Variants in KIAA0825 observed in about 807,000 individuals in gnomAD.
KIAA0825 encodes KIAA0825.
In KIAA0825, 119 loss-of-function variants were observed where a neutral mutation model predicts 147.6. The ratio of observed to expected loss-of-function variants is 0.81; its 90% CI spans 0.69 to 0.94. KIAA0825 has a LOEUF of 0.94. Ranked by LOEUF, KIAA0825 falls within the 40% of genes least tolerant of loss-of-function variation. The pLI is 0.00. For synonymous variants in KIAA0825, 470 were observed against 518.1 expected (o/e 0.91, Z 1.26); for missense variants, 1,381 against 1,472.7 (o/e 0.94, Z 1.02).
At chr5:94,266,050 A>G (rs1325284500) in intron 20 of KIAA0825, among the ~76,000 whole-genome samples, 1 of 152,180 alleles carries the variant, frequency 6.6e-6, no homozygotes, top group Non-Finnish European at 1.5e-5. Context: ...TTTGTCATGG[A>G]ATACCATTTT....
intron 20 of KIAA0825, among the ~76,000 whole-genome samples, chr5:94,234,696 G>C (rs1774944739): frequency 1.3e-5 from 2 of 152,094 alleles, no homozygotes; most frequent in African/African-American, 4.8e-5. Flanking sequence ...ACACTTAAAT[G>C]ACCAGATCTT....
chr5:94,312,631 A>G lies in KIAA0825; in HGVS notation c.3710+71737T>C, dbSNP rs1779288528. Among the ~76,000 whole-genome samples the G allele has an allele frequency of 2.0e-5, 3 of 151,742 alleles. No individual in the cohort carries two copies. In the South Asian group the frequency reaches 6.2e-4, roughly 31 times the overall value. ...AAAAAACTCATTCTCTTGAATTCACACAATTACAGTCATCGGCATGTTTTG... is the reference window on the plus strand; with the variant it reads ...AAAAAACTCATTCTCTTGAATTCACGCAATTACAGTCATCGGCATGTTTTG... On this transcript the variant is annotated intron_variant, in intron 20 of 20. Coordinates refer to ENST00000682413, the MANE Select transcript of KIAA0825 (RefSeq NM_001145678.3).
At chr5:94,156,124 A>G (rs755409048) in intron 20 of KIAA0825, among the ~76,000 whole-genome samples, 17 of 152,344 alleles carry the variant, frequency 1.1e-4, no homozygotes, top group Admixed American at 2.0e-4. Flanking sequence ...TCAATTTAAA[A>G]AGTTATTATT....
intron 14 of KIAA0825, among the ~76,000 whole-genome samples, chr5:94,427,926 C>T (rs1755102498): frequency 1.3e-5 from 2 of 152,150 alleles, no homozygotes; most frequent in South Asian, 4.1e-4. Context: ...GTTAAGTGTG[C>T]TTGTTCAATT....
intron 15 of KIAA0825, 149 bp from the exon 16 acceptor site, chr5:94,403,942 A>C (rs1751712667): frequency 1.7e-6 from 1 of 601,280 alleles, no homozygotes; most frequent in South Asian, 2.4e-5. Context: ...ATTGATAACC[A>C]CCCCATAAAA....
At chr5:94,274,975 G>A (rs1777158310) in intron 20 of KIAA0825, among the ~76,000 whole-genome samples, 1 of 152,106 alleles carries the variant, frequency 6.6e-6, no homozygotes, top group African/African-American at 2.4e-5. Context: ...TTTACCTGAG[G>A]TATATAGGGG....
chr5:94,200,007 C>T (rs759953189), intron 20 of KIAA0825, among the ~76,000 whole-genome samples: 1 of 152,140 alleles, frequency 6.6e-6, no homozygotes, highest in East Asian at 1.9e-4. Context: ...CATTACAGCA[C>T]TATTCTCTCC....
chr5:94,291,237 T>C (rs986286910), intron 20 of KIAA0825, among the ~76,000 whole-genome samples: 1 of 152,226 alleles, frequency 6.6e-6, no homozygotes, highest in African/African-American at 2.4e-5. Context: ...AGGGTTTTTA[T>C]GGTTTTAGGT....
At chr5:94,409,216 G>A (rs1027753197) in intron 15 of KIAA0825, among the ~76,000 whole-genome samples, 3 of 152,122 alleles carry the variant, frequency 2.0e-5, no homozygotes, top group Non-Finnish European at 4.4e-5. Context: ...TTTTAAAAAT[G>A]ATTATAACTT....
chr5:94,500,311 CA>C (rs940954385), intron 5 of KIAA0825, among the ~76,000 whole-genome samples: 13 of 152,198 alleles, frequency 8.5e-5, no homozygotes, highest in Middle Eastern at 3.4e-3. Flanking sequence ...AAAGACAAGA[CA>C]AAAGTATTTT....
At chr5:94,514,098 C>G (rs1356560196) in intron 5 of KIAA0825, among the ~76,000 whole-genome samples, 2 of 152,048 alleles carry the variant, frequency 1.3e-5, no homozygotes, top group Non-Finnish European at 2.9e-5. Context: ...ATGCATCTTG[C>G]AACCATAATG....
Position 94,247,243 on chromosome 5 carries a change from C to T in KIAA0825, c.3711-93119G>A, listed in dbSNP as rs374968573. Among the ~76,000 whole-genome samples, 92 of 152,214 alleles carry T rather than the reference C, an allele frequency of 6.0e-4. 1 individual carries two copies. The highest frequency in any genetic ancestry group is 2.1e-3 in the African/African-American group (88 of 41,534). ...GTGGTAGTTTATGATGTTATTGACACCTTTTCCCAGGATTTTTGTGCCCAA... is the reference window on the plus strand; with the variant it reads ...GTGGTAGTTTATGATGTTATTGACATCTTTTCCCAGGATTTTTGTGCCCAA... On this transcript the variant is annotated intron_variant, in intron 20 of 20. Transcript: ENST00000682413.
chr5:94,175,807 A>G (rs1769040979), intron 20 of KIAA0825, among the ~76,000 whole-genome samples: 1 of 152,186 alleles, frequency 6.6e-6, no homozygotes, highest in Non-Finnish European at 1.5e-5. Flanking sequence ...ACATTGAGAT[A>G]TTTAGTAAAC....
At chr5:94,339,439 G>T (rs1159461638) in intron 20 of KIAA0825, among the ~76,000 whole-genome samples, 1 of 152,104 alleles carries the variant, frequency 6.6e-6, no homozygotes, top group East Asian at 1.9e-4. Flanking sequence ...GGGAGTTGTG[G>T]TTCTTTTAAA....
rs1766622319 is a variant in KIAA0825 at position 94,152,845 on chromosome 5, AAAAAAAAAAATTAT to A, written c.*1148_*1161del. The stretch of plus-strand genomic sequence containing the variant: ...TGAAAAAAAAAAAAAAAAAAAAAAA[AAAAAAAAAAATTAT>A]ATATATATATATATATATATATATA... On this transcript the variant is annotated 3_prime_UTR_variant, in exon 21 of 21. Coordinates refer to ENST00000682413, the MANE Select transcript of KIAA0825 (RefSeq NM_001145678.3). The A allele has an allele frequency of 4.2e-4, 15 of 35,390 alleles. No individual in the cohort carries two copies. The highest frequency in any genetic ancestry group is 6.1e-4 in the Non-Finnish European group (11 of 17,906). The allele number at this position is 35,390 out of a possible 1,614,324, so 2.2% of individuals were successfully genotyped here. A position where few individuals can be genotyped will look rare whatever the true frequency, so the allele number is the denominator to read the frequency against.
intron 20 of KIAA0825, among the ~76,000 whole-genome samples, chr5:94,172,343 A>T (rs532358095): frequency 1.3e-5 from 2 of 152,320 alleles, no homozygotes; most frequent in Admixed American, 1.3e-4. Context: ...GTTTTGCAAA[A>T]TGTATGGATA....
At chr5:94,445,058 T>C (rs754977338) in intron 13 of KIAA0825, among the ~76,000 whole-genome samples, 1 of 152,218 alleles carries the variant, frequency 6.6e-6, no homozygotes, top group Non-Finnish European at 1.5e-5. Context: ...CACTAAGACA[T>C]TGGACAATAC....
intron 17 of KIAA0825, among the ~76,000 whole-genome samples, chr5:94,394,899 G>C (rs909294503): frequency 1.3e-5 from 2 of 152,150 alleles, no homozygotes; most frequent in Non-Finnish European, 2.9e-5. Flanking sequence ...CTAGAGGTCA[G>C]TATGATGAGA....
chr5:94,597,842 A>G (rs1361184899), intron 1 of KIAA0825, among the ~76,000 whole-genome samples: 3 of 152,184 alleles, frequency 2.0e-5, no homozygotes, highest in African/African-American at 7.2e-5. Flanking sequence ...TTGTAACACA[A>G]TGGTAAGTAT....
Sources: allele counts gnomAD v4.1 joint callset (sites outside exome capture counted in the v4.1 genomes callset), GRCh38; gene constraint gnomAD v4.1.1; transcripts MANE v1.5; gene names NCBI Gene and HGNC (gene_info 2026-07-23, HGNC 2026-07-21).